Variants in SENP6 observed in about 807,000 individuals in gnomAD.
SENP6 encodes sentrin-specific protease 6.
A neutral mutation model predicts 134.5 loss-of-function variants in SENP6; 41 were observed. The observed-to-expected ratio is 0.30, with a 90% CI of 0.24 to 0.40. The LOEUF is 0.40. SENP6 is among the 10% of genes least tolerant of loss of function. SENP6 has a pLI of 1.00. For synonymous variants in SENP6, 395 were observed against 429.8 expected (o/e 0.92, Z 1.00); for missense variants, 1,248 against 1,312.5 (o/e 0.95, Z 0.76).
Position 75,612,229 on chromosome 6 carries a change from G to A in SENP6, c.53-9303G>A, listed in dbSNP as rs115406167. 4.0e-3 allele frequency among the ~76,000 whole-genome samples: 605 copies of A among 152,294 alleles called. 4 individuals are homozygous for A. The highest frequency in any genetic ancestry group is 0.014 in the African/African-American group (576 of 41,550). On this transcript the variant is annotated intron_variant, in intron 1 of 23. Coordinates refer to ENST00000447266, the MANE Select transcript of SENP6 (RefSeq NM_015571.4). ...TCAGACTTGTAACATGGTGACTCAAGGCTTTGGAAAATCTTGATAGTTCTT... is the reference window on the plus strand; with the variant it reads ...TCAGACTTGTAACATGGTGACTCAAAGCTTTGGAAAATCTTGATAGTTCTT...
rs755992472 is a variant in SENP6 at position 75,709,604 on chromosome 6, G to A, written c.2794G>A (p.Asp932Asn). ...TAAAATGCTTGAAGATGAACTCGTC[G>A]ACTTCTCAGAAGATCAGGATAACCA... is the stretch of plus-strand genomic sequence containing the variant. ...AGKMLEDELV[D>N]FSEDQDNQDD... The change falls in exon 20 of 24, where the codon GAC (aspartate) becomes AAC (asparagine). Residue 932 changes from aspartate (D) to asparagine (N), a missense_variant. This residue lies in a region of SENP6 where 386 missense variants were observed against 395.0 expected (regional missense o/e 0.98). Coordinates refer to ENST00000447266, the MANE Select transcript of SENP6 (RefSeq NM_015571.4). 8 of 1,613,600 alleles carry A rather than the reference G, an allele frequency of 5.0e-6. No individual in the cohort carries two copies. In the East Asian group the frequency reaches 6.7e-5, roughly 13 times the overall value.
chr6:75,701,238 A>G (rs1775002187), intron 18 of SENP6, among the ~76,000 whole-genome samples: 1 of 152,208 alleles, frequency 6.6e-6, no homozygotes, highest in South Asian at 2.1e-4. Flanking sequence ...CCTGACATCT[A>G]TAGCCTGTTC....
intron 16 of SENP6, among the ~76,000 whole-genome samples, chr6:75,694,972 TC>T (rs1206927064): frequency 6.6e-6 from 1 of 152,092 alleles, no homozygotes; most frequent in African/African-American, 2.4e-5. Flanking sequence ...CCTCATAGGT[TC>T]AAGTGATTCT....
At chr6:75,670,061 G>A (rs1772550256) in intron 10 of SENP6, among the ~76,000 whole-genome samples, 1 of 151,478 alleles carries the variant, frequency 6.6e-6, no homozygotes, top group Non-Finnish European at 1.5e-5. Context: ...AGCCTCCTGA[G>A]TAGCCTCCTG....
intron 7 of SENP6, among the ~76,000 whole-genome samples, chr6:75,652,122 A>G (rs1225291840): frequency 6.6e-6 from 1 of 152,048 alleles, no homozygotes; most frequent in African/African-American, 2.4e-5. Context: ...GATTGCAGTG[A>G]GCCACAATCG....
chr6:75,675,891 A>G lies in SENP6; in HGVS notation c.1458A>G (p.Leu486=), dbSNP rs1773050185. ...EPDHDPVEII[L]NTSDLTKCEW... ...ACCATGATCCTGTAGAGATTATATT[A>G]AATACCTCTGATCTAACTAAATGTG... Residue 486 remains leucine (L), a synonymous_variant, in exon 13 of 24, where the codon TTA becomes TTG. Coordinates refer to ENST00000447266, the MANE Select transcript of SENP6 (RefSeq NM_015571.4). The G allele has an allele frequency of 6.2e-7, 1 of 1,602,976 alleles. No homozygotes were observed. The highest frequency in any genetic ancestry group is 8.5e-7 in the Non-Finnish European group (1 of 1,176,730).
chr6:75,630,264 T>C (rs1452119345), intron 3 of SENP6, among the ~76,000 whole-genome samples: 1 of 152,034 alleles, frequency 6.6e-6, no homozygotes, highest in African/African-American at 2.4e-5. Context: ...GAGACGGGGT[T>C]TCACCATGTT....
chr6:75,711,510 G>A, intron 21 of SENP6, 94 bp downstream of exon 21: 2 of 719,304 alleles, frequency 2.8e-6, no homozygotes, highest in Non-Finnish European at 4.4e-6. Context: ...AAATACTTAA[G>A]CAAAACTCAT....
intron 16 of SENP6, among the ~76,000 whole-genome samples, chr6:75,694,569 C>T (rs1774525145): frequency 1.3e-5 from 2 of 152,174 alleles, no homozygotes; most frequent in South Asian, 4.1e-4. Flanking sequence ...CTCCTCCAGG[C>T]CTATGCAACT....
chr6:75,663,826 G>GGA, intron 9 of SENP6, among the ~76,000 whole-genome samples: 1 of 148,920 alleles, frequency 6.7e-6, no homozygotes, highest in Non-Finnish European at 1.5e-5. Context: ...TTTTGTGGGG[G>GGA]GGGGGGTGCC....
chr6:75,689,760 G>T (rs572726545), intron 16 of SENP6, among the ~76,000 whole-genome samples: 5 of 152,132 alleles, frequency 3.3e-5, no homozygotes, highest in Non-Finnish European at 7.4e-5. Context: ...AGAAGCAGTA[G>T]GTTATACCAT....
chr6:75,652,147 A>C (rs1161549688), intron 7 of SENP6, among the ~76,000 whole-genome samples: 11 of 152,066 alleles, frequency 7.2e-5, no homozygotes, highest in Admixed American at 6.6e-4. Context: ...ACTGTCCTCC[A>C]ACCTGGGCAA....
intron 18 of SENP6, among the ~76,000 whole-genome samples, chr6:75,699,832 T>C (rs1341391106): frequency 6.6e-6 from 1 of 152,106 alleles, no homozygotes; most frequent in Non-Finnish European, 1.5e-5. Context: ...TTAAAAATTG[T>C]TATAGTAATT....
chr6:75,646,881 ACTTTTT>A (rs1233897893), intron 6 of SENP6: 1 of 151,570 alleles, frequency 6.6e-6, no homozygotes, highest in East Asian at 1.9e-4. Context: ...CACCCATATT[ACTTTTT>A]CTTTTGTTAT....
chr6:75,617,223 T>C (rs504446), intron 1 of SENP6, among the ~76,000 whole-genome samples: 28,719 of 149,560 alleles, frequency 0.19, 3,219 homozygotes, highest in African/African-American at 0.3. Context: ...TTTAAATTTA[T>C]ATAGAAGTTT....
intron 16 of SENP6, among the ~76,000 whole-genome samples, chr6:75,690,577 C>CA (rs2149890423): frequency 6.6e-6 from 1 of 152,246 alleles, no homozygotes; most frequent in South Asian, 2.1e-4. Flanking sequence ...TTCAGTTTTG[C>CA]AAAACAAAGT....
At chr6:75,673,902 C>T (rs1219829023) in intron 11 of SENP6, among the ~76,000 whole-genome samples, 2 of 151,476 alleles carry the variant, frequency 1.3e-5, no homozygotes, top group Non-Finnish European at 2.9e-5. Context: ...GCACCCGTAA[C>T]CCCAGCTACT....
Position 75,691,065 on chromosome 6 carries a change from A to G in SENP6, c.2076-4739A>G, listed in dbSNP as rs374587970. Among the ~76,000 whole-genome samples the G allele has an allele frequency of 5.3e-5, 8 of 151,138 alleles. No homozygotes were observed. In the South Asian group the frequency reaches 1.3e-3, roughly 24 times the overall value. On this transcript the variant is annotated intron_variant, in intron 16 of 23. Transcript: ENST00000447266. The stretch of plus-strand genomic sequence containing the variant: ...TCCCTGTGTGCCCAGGCTGGTCTCA[A>G]ATTTCTGGGCTGAAGCGATCCTCCC...
chr6:75,622,947 A>G lies in SENP6; in HGVS notation c.147-953A>G, dbSNP rs116759388. The G allele has an allele frequency of 1.0e-5, 5 of 478,606 alleles. 1 individual carries two copies. The highest frequency in any genetic ancestry group is 5.0e-5 in the South Asian group (2 of 39,648). 29.6% of individuals were successfully genotyped at this position (478,606 alleles called of 1,614,324 possible). ...TCTGATTACTTTAAAATATAAAACAATTATTCAGTATGCATATAGTTTTGA... is the reference window on the plus strand; with the variant it reads ...TCTGATTACTTTAAAATATAAAACAGTTATTCAGTATGCATATAGTTTTGA... On this transcript the variant is annotated intron_variant, in intron 2 of 23. Coordinates refer to ENST00000447266, the MANE Select transcript of SENP6 (RefSeq NM_015571.4).
Sources: gnomAD v4.1 joint callset for allele counts (sites outside exome capture counted in the v4.1 genomes callset) on GRCh38, gnomAD v4.1.1 for gene constraint, gnomAD v4.1.1 regional missense constraint, MANE v1.5 for transcripts, NCBI Gene and HGNC (gene_info 2026-07-23, HGNC 2026-07-21) for gene names.